SRBD1: variants seen among roughly 807,000 people sequenced by gnomAD.
The protein encoded by SRBD1 is S1 RNA binding domain 1, also known as S1 RNA-binding domain-containing protein 1.
In SRBD1, 88 loss-of-function variants were observed where a neutral mutation model predicts 115.3. The observed-to-expected ratio is 0.76, with a 90% CI of 0.64 to 0.91. The LOEUF is 0.91. Among genes scored for constraint, SRBD1 ranks in the 40% least tolerant of loss-of-function variants. The pLI, the probability that SRBD1 is intolerant of heterozygous loss-of-function variation, is 0.00. For missense variants in SRBD1, 1,385 were observed against 1,177.4 expected, an observed-to-expected ratio of 1.18 and a Z score of -2.58; for synonymous variants, 509 against 407.7, an observed-to-expected ratio of 1.25 and a Z score of -2.99.
intron 14 of SRBD1, among the ~76,000 whole-genome samples, chr2:45,507,086 G>A (rs1399329314): frequency 6.6e-6 from 1 of 152,118 alleles, no homozygotes; most frequent in Non-Finnish European, 1.5e-5. Flanking sequence ...TGGTAAAAAC[G>A]AGGTCTGATG....
At chr2:45,468,384 T>A (rs1302230709) in intron 16 of SRBD1, among the ~76,000 whole-genome samples, 1 of 150,746 alleles carries the variant, frequency 6.6e-6, no homozygotes, top group African/African-American at 2.5e-5. Context: ...ATTGCTTCAA[T>A]GAACTTTTTT....
Position 45,575,363 on chromosome 2 carries a change from G to A in SRBD1, c.1073-640C>T, listed in dbSNP as rs567475178. 1.2e-4 allele frequency among the ~76,000 whole-genome samples: 18 copies of A among 152,316 alleles called. No individual in the cohort carries two copies. The South Asian group carries it at 3.5e-3, about 30-fold the overall frequency. On this transcript the variant is annotated intron_variant, in intron 7 of 20. Transcript: ENST00000263736. ...AGCATTTCTAATTTGCTAATTTATA[G>A]CAATGAATCTTGTAAATCAAGGTCT... is the stretch of plus-strand genomic sequence containing the variant.
intron 14 of SRBD1, among the ~76,000 whole-genome samples, chr2:45,545,178 G>A (rs1230454665): frequency 6.6e-6 from 1 of 151,100 alleles, no homozygotes; most frequent in African/African-American, 2.4e-5. Flanking sequence ...TACTCGGGAG[G>A]CTGAGGCAGG....
rs1667194351 is a variant in SRBD1, at chr2:45,397,998, C to G, written c.2514-4869G>C. Among the ~76,000 whole-genome samples the G allele has an allele frequency of 2.0e-5, 3 of 152,242 alleles. No homozygotes were observed. The South Asian group carries it at 6.2e-4, about 32-fold the overall frequency. On this transcript the variant is annotated intron_variant, in intron 19 of 20. Coordinates refer to ENST00000263736, the MANE Select transcript of SRBD1 (RefSeq NM_018079.5). ...CAAAATATACAAGTAATTATAAATT[C>G]AAGTATCATTCATTTATAGAGAGGC...
In SRBD1 at chr2:45,418,457, C is replaced by T. The variant is rs1173390204; in HGVS notation, c.2241G>A (p.Gln747=). The T allele has an allele frequency of 1.2e-6, 2 of 1,613,804 alleles. No homozygotes were observed. The highest frequency in any genetic ancestry group is 1.7e-6 in the Non-Finnish European group (2 of 1,179,964). ...EKNGPFINRE[Q]LKKVKGLGPK... is the part of the protein sequence containing the mutation. ...GGCCCAGCCCTTTCACTTTCTTCAG[C>T]TGTTCTCGGTTGATAAAGGGTCCAT... The change falls in exon 18 of 21, where the codon CAG becomes CAA. Residue 747 remains glutamine (Q), a synonymous_variant. Coordinates refer to ENST00000263736, the MANE Select transcript of SRBD1 (RefSeq NM_018079.5).
chr2:45,503,191 A>G (rs1009254269), intron 14 of SRBD1, among the ~76,000 whole-genome samples: 8 of 146,688 alleles, frequency 5.5e-5, no homozygotes, highest in Admixed American at 4.1e-4. Context: ...CTGGCATCCT[A>G]AACATATTAA....
At chr2:45,409,055 C>T (rs1294276465) in intron 19 of SRBD1, among the ~76,000 whole-genome samples, 3 of 152,024 alleles carry the variant, frequency 2.0e-5, no homozygotes, top group Admixed American at 2.0e-4. Flanking sequence ...CCCGTTTCTA[C>T]TAAAAATACA....
intron 14 of SRBD1, among the ~76,000 whole-genome samples, chr2:45,509,626 C>CACAT: frequency 6.6e-6 from 1 of 151,420 alleles, no homozygotes; most frequent in Middle Eastern, 3.4e-3. Flanking sequence ...CACACACACA[C>CACAT]ACACACACAC....
At chr2:45,476,920 T>A in intron 16 of SRBD1, 73 bp downstream of exon 16, 2 of 1,375,614 alleles carry the variant, frequency 1.5e-6, no homozygotes, top group Non-Finnish European at 2.1e-6. Context: ...AGACACTTAA[T>A]TACTATCCCA....
intron 19 of SRBD1, 24 bp from the exon 20 acceptor site, chr2:45,393,153 G>T (rs376306183): frequency 8.9e-6 from 14 of 1,577,704 alleles, no homozygotes; most frequent in African/African-American, 1.4e-5. Context: ...AATAAAAAGC[G>T]CAACACTTAA....
intron 14 of SRBD1, among the ~76,000 whole-genome samples, chr2:45,533,348 A>G (rs1243358460): frequency 6.6e-6 from 1 of 152,102 alleles, no homozygotes; most frequent in African/African-American, 2.4e-5. Context: ...CCCTATCTAC[A>G]GAGATGGTTA....
At chr2:45,390,774 T>TA (rs1666974662) in intron 20 of SRBD1, among the ~76,000 whole-genome samples, 1 of 152,200 alleles carries the variant, frequency 6.6e-6, no homozygotes, top group Non-Finnish European at 1.5e-5. Flanking sequence ...ACCATACTGA[T>TA]ACCAAGACGT....
chr2:45,396,548 T>G (rs1667150385), intron 19 of SRBD1, among the ~76,000 whole-genome samples: 9 of 152,288 alleles, frequency 5.9e-5, no homozygotes, highest in Middle Eastern at 3.4e-3. Flanking sequence ...AATAAGCACA[T>G]CATGTTCTTT....
intron 9 of SRBD1, among the ~76,000 whole-genome samples, chr2:45,565,852 C>A (rs377223559): frequency 9.9e-5 from 15 of 152,218 alleles, no homozygotes; most frequent in African/African-American, 2.9e-4. Flanking sequence ...TCTCGAACTC[C>A]TGACCTCAGG....
intron 16 of SRBD1, among the ~76,000 whole-genome samples, chr2:45,448,985 T>C (rs1668909273): frequency 1.3e-5 from 2 of 152,220 alleles, no homozygotes; most frequent in Non-Finnish European, 2.9e-5. Flanking sequence ...TCTTCTGTAA[T>C]ACAAATGTGA....
intron 14 of SRBD1, among the ~76,000 whole-genome samples, chr2:45,525,575 A>G (rs1671415337): frequency 6.6e-6 from 1 of 151,990 alleles, no homozygotes; most frequent in Non-Finnish European, 1.5e-5. Flanking sequence ...AAATGCTGAG[A>G]GTGGATATAA....
At chr2:45,555,756 T>A (rs1469503248) in intron 10 of SRBD1, among the ~76,000 whole-genome samples, 4 of 152,146 alleles carry the variant, frequency 2.6e-5, no homozygotes, top group African/African-American at 9.7e-5. Context: ...CCTCCCAAAG[T>A]GCTGGGATTG....
In SRBD1 at chr2:45,420,037, T is replaced by G. The variant is rs187157839; in HGVS notation, c.2050-143A>C. ...CCTCTTAGACACACTGTTAGCAGAA[T>G]TAAGCTAAAGTCAAGGCATCTGTGG... On this transcript the variant is annotated intron_variant, in intron 16 of 20. Coordinates refer to ENST00000263736, the MANE Select transcript of SRBD1 (RefSeq NM_018079.5). 6.9e-6 allele frequency: 5 copies of G among 721,566 alleles called. No individual in the cohort carries two copies. In the Admixed American group the frequency reaches 1.2e-4, roughly 17 times the overall value. The allele number at this position is 721,566 out of a possible 1,614,324, so 44.7% of individuals were successfully genotyped here. A position where few individuals can be genotyped will look rare whatever the true frequency, so the allele number is the denominator to read the frequency against.
intron 4 of SRBD1, among the ~76,000 whole-genome samples, chr2:45,592,942 C>T (rs1454172769): frequency 6.6e-6 from 1 of 152,148 alleles, no homozygotes; most frequent in Admixed American, 6.5e-5. Flanking sequence ...AAAGAAACAA[C>T]TAAAAGAGCT....
Sources: gnomAD v4.1 joint callset for allele counts (sites outside exome capture counted in the v4.1 genomes callset) on GRCh38, gnomAD v4.1.1 for gene constraint, MANE v1.5 for transcripts, NCBI Gene and HGNC (gene_info 2026-07-23, HGNC 2026-07-21) for gene names.